The following RGS12 variants were observed in gnomAD, a reference collection of about 807,000 sequenced individuals.
The protein encoded by RGS12 is regulator of G protein signaling 12, also known as regulator of G-protein signaling 12.
In RGS12, 66 loss-of-function variants were observed where a neutral mutation model predicts 120.1. The observed-to-expected ratio is 0.55, with a 90% confidence interval of 0.45 to 0.67. The LOEUF is 0.67. RGS12 is among the 30% of genes least tolerant of loss of function. RGS12 has a pLI of 0.00. For synonymous variants in RGS12, 827 were observed against 804.7 expected, an observed-to-expected ratio of 1.03 and a Z score of -0.47; for missense variants, 1,859 against 1,957.7, an observed-to-expected ratio of 0.95 and a Z score of 0.95.
At chr4:3,404,774 G>A (rs879364575) in intron 4 of RGS12, among the ~76,000 whole-genome samples, 1 of 152,270 alleles carries the variant, frequency 6.6e-6, no homozygotes, top group Admixed American at 6.5e-5. Context: ...AACCCCAGTA[G>A]CAGTGAGCAC....
intron 2 of RGS12, chr4:3,342,621 T>C: frequency 7.6e-7 from 1 of 1,308,962 alleles, no homozygotes; most frequent in Non-Finnish European, 1.0e-6. Flanking sequence ...GTGATTTCAT[T>C]TGATCTGGGT....
At chr4:3,408,357 G>A (rs936074461) in intron 4 of RGS12, among the ~76,000 whole-genome samples, 1 of 152,194 alleles carries the variant, frequency 6.6e-6, no homozygotes, top group African/African-American at 2.4e-5. Flanking sequence ...TTGAAAGTGA[G>A]TGTTAGAGAG....
In RGS12 at chr4:3,293,070, G is replaced by T. The variant is rs1427882258; in HGVS notation, c.-131G>T. ...CGCGGGCGGTGGCGCGGGCCGAAGC[G>T]CCCGGAGCGGGAGCGAGCGGCGCGG... is the stretch of plus-strand genomic sequence containing the variant. On this transcript the variant is annotated 5_prime_UTR_variant, in exon 1 of 18. Transcript: ENST00000336727. The T allele has an allele frequency of 2.0e-5, 3 of 147,600 alleles. No individual in the cohort carries two copies. The highest frequency in any genetic ancestry group is 4.5e-5 in the Non-Finnish European group (3 of 66,220). The allele number at this position is 147,600 out of a possible 1,614,324, so 9.1% of individuals were successfully genotyped here. A position where few individuals can be genotyped will look rare whatever the true frequency, so the allele number is the denominator to read the frequency against.
chr4:3,415,929 T>C (rs1325863348), intron 6 of RGS12, 49 bp from the exon 7 acceptor site: 16 of 1,558,426 alleles, frequency 1.0e-5, no homozygotes. Context: ...GCAGCAGGAG[T>C]GCGGGGAGAG....
At chr4:3,431,923 G>A (rs945464497) in intron 17 of RGS12, 6 of 985,518 alleles carry the variant, frequency 6.1e-6, no homozygotes, top group East Asian at 1.1e-4. Flanking sequence ...GGGAGTGCAC[G>A]TCTGTAGATC....
At chr4:3,309,378 A>T (rs113320787) in intron 1 of RGS12, among the ~76,000 whole-genome samples, 58 of 89,658 alleles carry the variant, frequency 6.5e-4, no homozygotes, top group East Asian at 2.1e-3. Flanking sequence ...GGAACCGTGC[A>T]GGGGAGGAGC....
chr4:3,383,611 A>AG (rs1191815384), intron 3 of RGS12, among the ~76,000 whole-genome samples: 11 of 152,056 alleles, frequency 7.2e-5, no homozygotes, highest in Non-Finnish European at 2.9e-5. Context: ...CAAAAAAAAA[A>AG]AGTATGTGTA....
At chr4:3,383,178 G>T (rs17796958) in intron 3 of RGS12, among the ~76,000 whole-genome samples, 5,603 of 152,202 alleles carry the variant, frequency 0.037, 163 homozygotes, top group South Asian at 0.076. Flanking sequence ...GGGGACAACC[G>T]TGCTGTGGCT....
chr4:3,365,788 T>C lies in RGS12; in HGVS notation c.1999-20628T>C, dbSNP rs1016554167. Among the ~76,000 whole-genome samples, 1 of 152,238 alleles carries C rather than the reference T, an allele frequency of 6.6e-6. No individual in the cohort carries two copies. The highest frequency in any genetic ancestry group is 2.4e-5 in the African/African-American group (1 of 41,456). ...CTTGGTCTTTCACACACCAGTCTGC[T>C]TTTTAAACCCATTATATGGGAAATT... On this transcript the variant is annotated intron_variant, in intron 3 of 17. Transcript: ENST00000336727. This position sits in a 1 kb window ranked among gnomAD's most constrained non-coding sequence, Gnocchi z 4.0.
At position 3,316,093 on chromosome 4, in the gene RGS12, T is replaced by G; in HGVS notation, c.-78T>G. On this transcript the variant is annotated 5_prime_UTR_variant, in exon 2 of 18. An upstream start codon of the reference 5' UTR is lost. Coordinates refer to ENST00000336727, the MANE Select transcript of RGS12 (RefSeq NM_001394154.1). Reference sequence around the variant, plus strand: ...AGGGCACTGTTTGAAGAAGCAAACATGGTAGCATCAAGCATTCCTTGAAAT... The same window carrying G: ...AGGGCACTGTTTGAAGAAGCAAACAGGGTAGCATCAAGCATTCCTTGAAAT... 7.1e-7 allele frequency: 1 copy of G among 1,416,188 alleles called. No individual in the cohort carries two copies. Among genetic ancestry groups the G allele is most frequent in the Non-Finnish European group, 9.5e-7 (1 of 1,050,026 alleles). The allele number at this position is 1,416,188 out of a possible 1,614,324, so 87.7% of individuals were successfully genotyped here. A position where few individuals can be genotyped will look rare whatever the true frequency, so the allele number is the denominator to read the frequency against.
intron 4 of RGS12, among the ~76,000 whole-genome samples, chr4:3,401,434 G>A (rs1720571240): frequency 6.6e-6 from 1 of 152,226 alleles, no homozygotes; most frequent in Admixed American, 6.5e-5. Context: ...CCTAGGATGT[G>A]CCTCGCACTG....
intron 4 of RGS12, among the ~76,000 whole-genome samples, chr4:3,396,077 AT>A (rs960601349): frequency 7.9e-5 from 12 of 151,558 alleles, no homozygotes; most frequent in African/African-American, 2.7e-4. Flanking sequence ...TTGTATTGTT[AT>A]TTTTTTTCCA....
At chr4:3,335,562 A>G (rs1712354893) in intron 2 of RGS12, among the ~76,000 whole-genome samples, 1 of 152,116 alleles carries the variant, frequency 6.6e-6, no homozygotes, top group Admixed American at 6.5e-5. Context: ...GAGTGTCACC[A>G]TAGCAACGTT....
chr4:3,367,173 C>T (rs1484301764), intron 3 of RGS12, among the ~76,000 whole-genome samples: 2 of 152,262 alleles, frequency 1.3e-5, no homozygotes, highest in Non-Finnish European at 2.9e-5. Context: ...CGGTGATATG[C>T]AGGCCTGAGT....
intron 3 of RGS12, among the ~76,000 whole-genome samples, chr4:3,380,545 C>T (rs1454931345): frequency 6.6e-6 from 1 of 152,228 alleles, no homozygotes; most frequent in African/African-American, 2.4e-5. Context: ...CTAACTTCTA[C>T]TTGGACATCC....
chr4:3,293,769 G>T (rs1424873577), intron 1 of RGS12, among the ~76,000 whole-genome samples: 1 of 151,762 alleles, frequency 6.6e-6, no homozygotes, highest in Non-Finnish European at 1.5e-5. Context: ...AGACAGAGAG[G>T]GGGCCCAGAG....
chr4:3,340,576 A>T (rs570152597), intron 2 of RGS12, among the ~76,000 whole-genome samples: 5 of 152,346 alleles, frequency 3.3e-5, no homozygotes, highest in African/African-American at 1.2e-4. Context: ...CAGTCACCAC[A>T]GAAGAGCACG....
intron 4 of RGS12, among the ~76,000 whole-genome samples, chr4:3,392,260 A>G (rs1423950428): frequency 1.3e-5 from 2 of 152,168 alleles, no homozygotes; most frequent in African/African-American, 4.8e-5. Flanking sequence ...CATACCACCT[A>G]ACAGAAAGCT....
chr4:3,380,159 A>C (rs940046242), intron 3 of RGS12, among the ~76,000 whole-genome samples: 1 of 152,242 alleles, frequency 6.6e-6, no homozygotes, highest in Non-Finnish European at 1.5e-5. Flanking sequence ...TGCAGGCCCC[A>C]TGCAAGTCCA....
Sources: allele counts gnomAD v4.1 joint callset (sites outside exome capture counted in the v4.1 genomes callset), GRCh38; gene constraint gnomAD v4.1.1; non-coding constraint Gnocchi (gnomAD v3.1); transcripts MANE v1.5; gene names NCBI Gene and HGNC (gene_info 2026-07-23, HGNC 2026-07-21).